The following TRIO variants were observed in gnomAD, a reference collection of about 807,000 sequenced individuals.
TRIO encodes the protein triple functional domain protein.
Under a neutral mutation model 351.9 loss-of-function variants are expected in TRIO, and 58 were observed. The ratio of observed to expected loss-of-function variants is 0.16; its 90% CI spans 0.13 to 0.21. TRIO has a LOEUF of 0.21. TRIO is among the 10% of genes least tolerant of loss of function. TRIO has a pLI of 1.00. For missense variants in TRIO, 3,201 were observed against 4,027.8 expected (o/e 0.79, Z 5.56); for synonymous variants, 1,758 against 1,595.7 (o/e 1.10, Z -2.42).
chr5:14,162,973 A>G (rs887794370), intron 1 of TRIO, among the ~76,000 whole-genome samples: 1 of 151,822 alleles, frequency 6.6e-6, no homozygotes, highest in Non-Finnish European at 1.5e-5. Context: ...TGCCTGGCTA[A>G]TTTTTATTTT....
At chr5:14,436,959 G>T (rs539331106) in intron 34 of TRIO, among the ~76,000 whole-genome samples, 1 of 152,214 alleles carries the variant, frequency 6.6e-6, no homozygotes, top group Non-Finnish European at 1.5e-5. Flanking sequence ...GGTCTGGAGG[G>T]TGGTGGCCCT....
intron 1 of TRIO, among the ~76,000 whole-genome samples, chr5:14,229,949 GGTGCAA>G (rs900548746): frequency 6.6e-6 from 1 of 152,176 alleles, no homozygotes; most frequent in Non-Finnish European, 1.5e-5. Flanking sequence ...AAAAGAAAGA[GGTGCAA>G]ACTCCTTCTC....
At chr5:14,376,792 C>T (rs1291750177) in intron 19 of TRIO, among the ~76,000 whole-genome samples, 3 of 152,182 alleles carry the variant, frequency 2.0e-5, no homozygotes, top group African/African-American at 4.8e-5. Context: ...AATGCATGCA[C>T]CTTTTCAGTG....
intron 1 of TRIO, among the ~76,000 whole-genome samples, chr5:14,261,197 T>C (rs1356192610): frequency 6.6e-6 from 1 of 152,222 alleles, no homozygotes; most frequent in Non-Finnish European, 1.5e-5. Context: ...TCCTTTTTCT[T>C]CTGGAAATGT....
chr5:14,501,694 G>A (rs1002306472), intron 53 of TRIO, among the ~76,000 whole-genome samples: 6 of 152,254 alleles, frequency 3.9e-5, no homozygotes, highest in African/African-American at 1.2e-4. Context: ...ACAACCTGGG[G>A]AGAGGTGAGG....
chr5:14,226,862 G>T (rs1490025616), intron 1 of TRIO, among the ~76,000 whole-genome samples: 1 of 14,490 alleles, frequency 6.9e-5, no homozygotes, highest in African/African-American at 1.5e-4. Flanking sequence ...AGAAGAAGGG[G>T]AGGAAAGTGG....
At chr5:14,452,841 C>G (rs1241475051) in intron 34 of TRIO, among the ~76,000 whole-genome samples, 1 of 152,160 alleles carries the variant, frequency 6.6e-6, no homozygotes, top group Non-Finnish European at 1.5e-5. Flanking sequence ...GAAACATGAT[C>G]CTCCTTGGTC....
intron 9 of TRIO, among the ~76,000 whole-genome samples, chr5:14,327,086 G>C (rs1280393695): frequency 6.6e-6 from 1 of 152,186 alleles, no homozygotes; most frequent in Non-Finnish European, 1.5e-5. Flanking sequence ...AATCCTGAGT[G>C]GTTGGTTTAT....
At chr5:14,419,033 AG>A (rs1480152968) in intron 33 of TRIO, among the ~76,000 whole-genome samples, 2 of 152,086 alleles carry the variant, frequency 1.3e-5, no homozygotes, top group Non-Finnish European at 2.9e-5. Flanking sequence ...CAGTAGGCCT[AG>A]GTGAGAGTGA....
intron 9 of TRIO, among the ~76,000 whole-genome samples, chr5:14,318,285 A>G: frequency 7.1e-6 from 1 of 141,618 alleles, no homozygotes; most frequent in African/African-American, 2.7e-5. Context: ...ATCTCAAAAA[A>G]AAAAAAAAAA....
At chr5:14,242,329 A>G (rs779254651) in intron 1 of TRIO, among the ~76,000 whole-genome samples, 3 of 152,276 alleles carry the variant, frequency 2.0e-5, no homozygotes, top group Non-Finnish European at 2.9e-5. Flanking sequence ...ATGCTAAATC[A>G]TCTTAACCTA....
rs768021053 is a variant in TRIO, at chr5:14,508,367, G to A, written c.9239G>A (p.Arg3080Gln). The change falls in exon 57 of 57, where the codon CGA (arginine) becomes CAA (glutamine). Residue 3080 changes from arginine to glutamine, a missense_variant. Physicochemically the swap from Arg to Gln is conservative, Grantham distance 43. Transcript: ENST00000344204. ...IERRKHQNDV[R>Q]PIRSIKNFLQ... ...CGGCGCAAACACCAGAATGATGTTC[G>A]ACCTATCCGTAGCATTAAAAACTTT... 1.2e-6 allele frequency: 2 copies of A among 1,613,918 alleles called. No individual in the cohort carries two copies. The highest frequency in any genetic ancestry group is 1.1e-5 in the South Asian group (1 of 91,078).
At chr5:14,295,978 T>A (rs1737326244) in intron 6 of TRIO, among the ~76,000 whole-genome samples, 1 of 152,136 alleles carries the variant, frequency 6.6e-6, no homozygotes, top group Non-Finnish European at 1.5e-5. Context: ...AAAGGATGAA[T>A]GAAAGAAGAT....
At chr5:14,430,468 C>G (rs1277948809) in intron 34 of TRIO, among the ~76,000 whole-genome samples, 1 of 151,976 alleles carries the variant, frequency 6.6e-6, no homozygotes, top group South Asian at 2.1e-4. Flanking sequence ...AGTAACTTCC[C>G]TTCCCTCAGT....
chr5:14,363,947 C>G lies in TRIO; in HGVS notation c.2587+20C>G. On this transcript the variant is annotated intron_variant, in intron 14 of 56. Transcript: ENST00000344204. ...CCTCTGGTAAGAGGGCTCACTCCATCTGTGTCCGTTGTGATTTCTTCATGT... is the reference window on the plus strand; with the variant it reads ...CCTCTGGTAAGAGGGCTCACTCCATGTGTGTCCGTTGTGATTTCTTCATGT... The G allele has an allele frequency of 1.3e-6, 2 of 1,599,078 alleles. No individual in the cohort carries two copies. The highest frequency in any genetic ancestry group is 2.2e-5 in the South Asian group (2 of 89,672).
chr5:14,507,066 A>G (rs1014945800), intron 55 of TRIO, 56 bp from the exon 56 acceptor site: 4 of 1,521,880 alleles, frequency 2.6e-6, no homozygotes, highest in Non-Finnish European at 3.5e-6. Flanking sequence ...TTACTAGCCC[A>G]AAGAGGTCTT....
At chr5:14,357,949 C>T (rs1479421803) in intron 11 of TRIO, among the ~76,000 whole-genome samples, 2 of 152,124 alleles carry the variant, frequency 1.3e-5, no homozygotes, top group African/African-American at 4.8e-5. Context: ...GTTTATTTTC[C>T]TCCCTGCGGC....
chr5:14,244,385 T>G (rs1466024056), intron 1 of TRIO, among the ~76,000 whole-genome samples: 2 of 152,202 alleles, frequency 1.3e-5, no homozygotes, highest in East Asian at 3.9e-4. Context: ...AGGCTATCTT[T>G]GAAGCTATAG....
At chr5:14,173,641 A>G (rs1047543710) in intron 1 of TRIO, among the ~76,000 whole-genome samples, 2 of 152,214 alleles carry the variant, frequency 1.3e-5, no homozygotes, top group Non-Finnish European at 2.9e-5. Context: ...AATCAGGAAT[A>G]ATTAGATAAG....
Sources: gnomAD v4.1 joint callset for allele counts (sites outside exome capture counted in the v4.1 genomes callset) on GRCh38, gnomAD v4.1.1 for gene constraint, MANE v1.5 for transcripts, NCBI Gene and HGNC (gene_info 2026-07-23, HGNC 2026-07-21) for gene names.